The following TTLL3 variants were observed in gnomAD, a reference collection of about 807,000 sequenced individuals.
TTLL3 encodes the protein tubulin monoglycylase TTLL3.
TTLL3 carries 63 observed loss-of-function variants against 75.2 expected under a neutral mutation model. That is an observed-to-expected ratio of 0.84 (90% CI 0.68 to 1.03). The LOEUF is 1.03. Among genes scored for constraint, TTLL3 ranks in the 50% least tolerant of loss-of-function variants. TTLL3 has a pLI of 0.00. For synonymous variants in TTLL3, 393 were observed against 418.5 expected, an observed-to-expected ratio of 0.94 and a Z score of 0.74; for missense variants, 997 against 1,069.9, an observed-to-expected ratio of 0.93 and a Z score of 0.95.
chr3:9,833,120 C>T lies in TTLL3; in HGVS notation c.1700C>T (p.Pro567Leu). 1 of 1,614,172 alleles carries T rather than the reference C, an allele frequency of 6.2e-7. No individual in the cohort carries two copies. The highest frequency in any genetic ancestry group is 8.5e-7 in the Non-Finnish European group (1 of 1,180,026). Residue 567 changes from proline (P) to leucine (L), a missense_variant, in exon 12 of 14, where the codon CCT becomes CTT. By Grantham distance (98) the Pro-to-Leu change is moderately conservative. Transcript: ENST00000685419. The stretch of plus-strand genomic sequence containing the variant: ...TGCCCACAGCCTGCTGTGGAGGTGC[C>T]TCAATATGTGGGCATCCGGCTCCTG... Reference protein sequence around the residue: ...LIYKQPAVEVPQYVGIRLLVE... With the variant: ...LIYKQPAVEVLQYVGIRLLVE...
intron 2 of TTLL3, chr3:9,812,695 C>A: frequency 2.9e-6 from 1 of 349,864 alleles, no homozygotes; most frequent in Non-Finnish European, 4.9e-6. Flanking sequence ...TAAAAACACA[C>A]AGTATTGTTA....
chr3:9,820,969 G>C (rs989972737), intron 8 of TTLL3: 6 of 582,426 alleles, frequency 1.0e-5, no homozygotes, highest in Non-Finnish European at 1.7e-5. Context: ...CCACCAAATG[G>C]ACAGCACATT....
intron 11 of TTLL3, among the ~76,000 whole-genome samples, chr3:9,832,672 A>T (rs7612722): frequency 0.68 from 102,661 of 151,972 alleles, 35,690 homozygotes; most frequent in African/African-American, 0.72. Context: ...AGTTTCTGCT[A>T]CCCCATAACC....
chr3:9,821,880 A>G (rs2080447017), intron 8 of TTLL3, among the ~76,000 whole-genome samples: 1 of 151,670 alleles, frequency 6.6e-6, no homozygotes, highest in African/African-American at 2.4e-5. Flanking sequence ...GCGCACGCCT[A>G]TAATCCCAGC....
rs536310214 is a variant in TTLL3 at position 9,825,834 on chromosome 3, G to A, written c.889G>A (p.Val297Ile). 108 of 1,614,098 alleles carry A rather than the reference G, an allele frequency of 6.7e-5. 1 individual carries two copies. In the South Asian group the frequency reaches 1.1e-3, roughly 17 times the overall value. ...GAELRHLDTQVQRCEDILQQL... is the reference protein window; with the variant it reads ...GAELRHLDTQIQRCEDILQQL... ...AGAACTCAGGCACCTCGACACTCAG[G>A]TCCAGCGCTGTGAGGACATCCTGCA... The change falls in exon 9 of 14, where the codon GTC (valine) becomes ATC (isoleucine). Residue 297 changes from valine to isoleucine, a missense_variant. Val to Ile is a conservative substitution (Grantham distance 29). Coordinates refer to ENST00000685419, the MANE Select transcript of TTLL3 (RefSeq NM_001387446.1).
chr3:9,811,447 A>G (rs1004356255), intron 2 of TTLL3, among the ~76,000 whole-genome samples: 8 of 152,038 alleles, frequency 5.3e-5, no homozygotes, highest in African/African-American at 1.9e-4. Flanking sequence ...CAGCAAAACC[A>G]CTTGTCATCT....
upstream of TTLL3, chr3:9,810,177 C>T (rs1297605175): frequency 6.8e-7 from 1 of 1,470,580 alleles, no homozygotes; most frequent in South Asian, 1.3e-5. This position sits in a 1 kb window ranked among gnomAD's most constrained non-coding sequence, Gnocchi z 4.4. Context: ...GCTCCGAGTT[C>T]CGTCCACCCA....
In TTLL3 at chr3:9,835,725, C is replaced by T. The variant is rs1024658072; in HGVS notation, c.*236C>T. On this transcript the variant is annotated 3_prime_UTR_variant, in exon 14 of 14. Coordinates refer to ENST00000685419, the MANE Select transcript of TTLL3 (RefSeq NM_001387446.1). ...AGAACTGCCGAGCACTGGGAGCCCCCCAACCCCAGAGAACAAGCCAAGCTA... is the reference window on the plus strand; with the variant it reads ...AGAACTGCCGAGCACTGGGAGCCCCTCAACCCCAGAGAACAAGCCAAGCTA... 1 of 497,922 alleles carries T rather than the reference C, an allele frequency of 2.0e-6. No individual in the cohort carries two copies. Among genetic ancestry groups the T allele is most frequent in the Non-Finnish European group, 3.5e-6 (1 of 285,004 alleles). The allele number at this position is 497,922 out of a possible 1,614,324, so 30.8% of individuals were successfully genotyped here. A position where few individuals can be genotyped will look rare whatever the true frequency, so the allele number is the denominator to read the frequency against.
At chr3:9,827,978 CT>C (rs1243239362) in intron 10 of TTLL3, 1 of 151,966 alleles carries the variant, frequency 6.6e-6, no homozygotes, top group Non-Finnish European at 1.5e-5. Context: ...CCCGTCTCTA[CT>C]AAAAATATAA....
At chr3:9,826,499 G>A (rs554292278) in intron 9 of TTLL3, among the ~76,000 whole-genome samples, 76 of 152,222 alleles carry the variant, frequency 5.0e-4, no homozygotes, top group African/African-American at 1.3e-3. Flanking sequence ...CTGGGAGGCC[G>A]AGGCGGGTGG....
chr3:9,825,929 A>G lies in TTLL3; in HGVS notation c.984A>G (p.Gly328=). The G allele has an allele frequency of 3.1e-6, 5 of 1,613,662 alleles. No homozygotes were observed. Among genetic ancestry groups the G allele is most frequent in the Non-Finnish European group, 4.2e-6 (5 of 1,179,566 alleles). Residue 328 remains glycine (G), a synonymous_variant, in exon 9 of 14, where the codon GGA becomes GGG. Transcript: ENST00000685419. ...GCAACATCTGGATCGTGAAGCCAGGAGCCAAGTCCCGCGGACGAGGTGGGG... is the reference window on the plus strand; with the variant it reads ...GCAACATCTGGATCGTGAAGCCAGGGGCCAAGTCCCGCGGACGAGGTGGGG... ...GDRNIWIVKP[G]AKSRGRGIMC...
At chr3:9,826,212 A>G (rs1042331063) in intron 9 of TTLL3, among the ~76,000 whole-genome samples, 5 of 152,220 alleles carry the variant, frequency 3.3e-5, no homozygotes, top group African/African-American at 9.6e-5. Flanking sequence ...CACTATTCCA[A>G]ATCCTCAACG....
chr3:9,827,213 A>G lies in TTLL3; in HGVS notation c.1220A>G (p.Gln407Arg), dbSNP rs2081123616. 2 of 1,614,178 alleles carry G rather than the reference A, an allele frequency of 1.2e-6. No homozygotes were observed. Among genetic ancestry groups the G allele is most frequent in the East Asian group, 2.2e-5 (1 of 44,888 alleles). The part of the protein sequence containing the change: ...YRDSYIRFST[Q>R]PFSLKNLDNS... Reference sequence around the variant, plus strand: ...GACAGCTATATCCGCTTTTCCACGCAGCCCTTCTCCCTGAAGAACCTGGAC... The same window carrying G: ...GACAGCTATATCCGCTTTTCCACGCGGCCCTTCTCCCTGAAGAACCTGGAC... Residue 407 changes from glutamine (Q) to arginine (R), a missense_variant, in exon 10 of 14, where the codon CAG becomes CGG. By Grantham distance (43) the Gln-to-Arg change is conservative (BLOSUM62 1). Transcript: ENST00000685419.
In TTLL3 at chr3:9,835,634, T is replaced by A; in HGVS notation, c.*145T>A. The A allele has an allele frequency of 1.2e-6, 1 of 806,244 alleles. No homozygotes were observed. The highest frequency in any genetic ancestry group is 1.9e-6 in the Non-Finnish European group (1 of 528,842). The allele number at this position is 806,244 out of a possible 1,614,324, so 49.9% of individuals were successfully genotyped here. A position where few individuals can be genotyped will look rare whatever the true frequency, so the allele number is the denominator to read the frequency against. On this transcript the variant is annotated 3_prime_UTR_variant, in exon 14 of 14. Coordinates refer to ENST00000685419, the MANE Select transcript of TTLL3 (RefSeq NM_001387446.1). Reference sequence around the variant, plus strand: ...TCACTTTACAGATGAAGAAACTGAGTCTGAAAGAGGAGGCATGGCTTACCC... The same window carrying A: ...TCACTTTACAGATGAAGAAACTGAGACTGAAAGAGGAGGCATGGCTTACCC...
chr3:9,834,028 C>T (rs1645962326), intron 12 of TTLL3: 1 of 207,654 alleles, frequency 4.8e-6, no homozygotes, highest in Admixed American at 5.4e-5. Flanking sequence ...ACGAGAATCG[C>T]TTGAACCCAG....
chr3:9,809,732 C>T (rs1195771467), upstream of TTLL3: 2 of 323,422 alleles, frequency 6.2e-6, no homozygotes, highest in Non-Finnish European at 1.1e-5. Flanking sequence ...GTGCTCTCTT[C>T]CGCCTTCAGT....
chr3:9,829,032 G>T lies in TTLL3; in HGVS notation c.1320G>T (p.Pro440=), dbSNP rs201426371. Residue 440 remains proline, a synonymous_variant, in exon 11 of 14, where the codon CCG becomes CCT. Coordinates refer to ENST00000685419, the MANE Select transcript of TTLL3 (RefSeq NM_001387446.1). ...CATGCCATCGGCATCCACTGCTTCC[G>T]CCAGACAACATGTGGTCTAGCCAGA... ...ENSCHRHPLL[P]PDNMWSSQRF... 6.8e-6 allele frequency: 11 copies of T among 1,614,092 alleles called. No individual in the cohort carries two copies. Among genetic ancestry groups the T allele is most frequent in the African/African-American group, 1.3e-5 (1 of 74,926 alleles).
upstream of TTLL3, chr3:9,810,058 G>T: frequency 7.5e-7 from 1 of 1,340,854 alleles, no homozygotes; most frequent in Non-Finnish European, 9.5e-7. The surrounding 1 kb of genome is among the most constrained non-coding windows in gnomAD (Gnocchi z 4.4). Context: ...GCTGGGGCCC[G>T]GGCGCCGGGG....
intron 12 of TTLL3, chr3:9,834,222 C>G (rs1325070946): frequency 2.8e-6 from 1 of 362,982 alleles, no homozygotes; most frequent in African/African-American, 2.1e-5. Flanking sequence ...TTCAAAGATG[C>G]CAGGACTTAA....
Sources: gnomAD v4.1 joint callset for allele counts (sites outside exome capture counted in the v4.1 genomes callset) on GRCh38, gnomAD v4.1.1 for gene constraint, Gnocchi (gnomAD v3.1) non-coding constraint, MANE v1.5 for transcripts, NCBI Gene and HGNC (gene_info 2026-07-23, HGNC 2026-07-21) for gene names.